Variants in NCK2 observed in about 807,000 individuals in gnomAD.
The protein encoded by NCK2 is NCK adaptor protein 2.
A neutral mutation model predicts 33.9 loss-of-function variants in NCK2; 16 were observed. The ratio of observed to expected loss-of-function variants is 0.47; its 90% CI spans 0.32 to 0.72. The LOEUF is 0.72. NCK2 is among the 30% of genes least tolerant of loss of function. The probability of loss-of-function intolerance (pLI) is 0.03; values close to 1 mark genes in which losing one functional copy is unlikely to be tolerated. For missense variants in NCK2, 418 were observed against 537.3 expected (o/e 0.78, Z 2.19); for synonymous variants, 273 against 239.9 (o/e 1.14, Z -1.27).
chr2:105,762,297 G>T (rs867150026), intron 1 of NCK2, among the ~76,000 whole-genome samples: 3 of 146,512 alleles, frequency 2.0e-5, no homozygotes, highest in Non-Finnish European at 3.1e-5. Context: ...ATCAAACCAG[G>T]GGGGGTCTAG....
chr2:105,836,158 TGGAGG>T, intron 2 of NCK2, among the ~76,000 whole-genome samples: 3 of 145,288 alleles, frequency 2.1e-5, no homozygotes, highest in African/African-American at 5.3e-5. Context: ...TGTGTTTCTT[TGGAGG>T]TTTTATTGTT....
chr2:105,803,725 T>C (rs1316375322), intron 1 of NCK2, among the ~76,000 whole-genome samples: 1 of 152,230 alleles, frequency 6.6e-6, no homozygotes, highest in Non-Finnish European at 1.5e-5. Context: ...TTTCTGGAAT[T>C]GGCTCTTCTT....
intron 2 of NCK2, among the ~76,000 whole-genome samples, chr2:105,829,860 T>TTAAA (rs1412919953): frequency 1.3e-5 from 2 of 152,222 alleles, no homozygotes; most frequent in Admixed American, 1.3e-4. Context: ...CGTAAGTTAT[T>TTAAA]TAGAGTTATT....
chr2:105,841,437 G>A (rs1401895333), intron 2 of NCK2, among the ~76,000 whole-genome samples: 1 of 152,210 alleles, frequency 6.6e-6, no homozygotes, highest in African/African-American at 2.4e-5. Context: ...TAGGTAGGGT[G>A]AGGTACAGGG....
intron 4 of NCK2, among the ~76,000 whole-genome samples, chr2:105,885,816 G>C (rs1678698341): frequency 6.6e-6 from 1 of 152,150 alleles, no homozygotes; most frequent in Admixed American, 6.5e-5. Context: ...TTGTCATAAA[G>C]CTGAACTTCA....
chr2:105,795,825 C>T (rs1573603228), intron 1 of NCK2, among the ~76,000 whole-genome samples: 1 of 152,188 alleles, frequency 6.6e-6, no homozygotes, highest in Non-Finnish European at 1.5e-5. Flanking sequence ...TCCCTCCTCC[C>T]TAACTTCCTT....
chr2:105,884,479 G>A (rs1371916109), intron 4 of NCK2, among the ~76,000 whole-genome samples: 2 of 152,118 alleles, frequency 1.3e-5, no homozygotes, highest in African/African-American at 2.4e-5. Context: ...TTTGGGCCTG[G>A]GCCTTTAATT....
intron 2 of NCK2, chr2:105,851,877 T>C (rs1677083647): frequency 6.6e-6 from 1 of 152,416 alleles, no homozygotes; most frequent in African/African-American, 2.4e-5. Context: ...CGGACGTCGA[T>C]TGACTGGTCT....
intron 1 of NCK2, among the ~76,000 whole-genome samples, chr2:105,798,054 C>G (rs951825444): frequency 6.6e-6 from 1 of 152,136 alleles, no homozygotes; most frequent in Non-Finnish European, 1.5e-5. Flanking sequence ...TTTGATCCAT[C>G]TATTTTAGAC....
rs575324782 is a variant in NCK2, at chr2:105,876,702, A to C, written c.227-4626A>C. 2.0e-5 allele frequency among the ~76,000 whole-genome samples: 3 copies of C among 152,344 alleles called. No individual in the cohort carries two copies. The South Asian group carries it at 6.2e-4, about 32-fold the overall frequency. On this transcript the variant is annotated intron_variant, in intron 3 of 4. Transcript: ENST00000233154. Reference sequence around the variant, plus strand: ...CTGTTAAACACACATTGGACTTCAAATTGTGCTTCTGTTACAACTGGAAGC... The same window carrying C: ...CTGTTAAACACACATTGGACTTCAACTTGTGCTTCTGTTACAACTGGAAGC...
intron 3 of NCK2, among the ~76,000 whole-genome samples, chr2:105,861,872 T>C (rs1471184386): frequency 6.6e-6 from 1 of 151,238 alleles, no homozygotes; most frequent in Non-Finnish European, 1.5e-5. Context: ...CTCAGCAATT[T>C]ATCTTAAGAT....
rs772650775 is a variant in NCK2, at chr2:105,892,988, G to A, written c.955G>A (p.Asp319Asn). The A allele has an allele frequency of 1.9e-6, 3 of 1,605,798 alleles. No homozygotes were observed. Among genetic ancestry groups the A allele is most frequent in the Non-Finnish European group, 2.6e-6 (3 of 1,173,102 alleles). ...TGTTCTGTTTCCTCCCCAGCCCAGC[G>A]ACTTCTCCGTGTCCCTTAAAGCGTC... is the stretch of plus-strand genomic sequence containing the variant. ...LIRDSESSPS[D>N]FSVSLKASGK... The change falls in exon 5 of 5, where the codon GAC (aspartate) becomes AAC (asparagine). Residue 319 changes from aspartate (D) to asparagine (N), a missense_variant. Physicochemically the swap from Asp to Asn is conservative, Grantham distance 23 (BLOSUM62 1). Coordinates refer to ENST00000233154, the MANE Select transcript of NCK2 (RefSeq NM_003581.5).
chr2:105,840,217 G>A (rs909956779), intron 2 of NCK2, among the ~76,000 whole-genome samples: 1 of 152,116 alleles, frequency 6.6e-6, no homozygotes, highest in Non-Finnish European at 1.5e-5. Context: ...AGACACAGTA[G>A]CTCCAGGGAA....
Position 105,881,623 on chromosome 2 carries a change from G to T in NCK2, c.522G>T (p.Ala174=). The T allele has an allele frequency of 6.2e-7, 1 of 1,613,674 alleles. No homozygotes were observed. The highest frequency in any genetic ancestry group is 8.5e-7 in the Non-Finnish European group (1 of 1,179,912). ...YVLEEVDEAA[A]ESPSFLSLRK... Reference sequence around the variant, plus strand: ...TGGAGGAGGTGGACGAGGCGGCTGCGGAGTCCCCAAGCTTCCTGAGCCTGC... The same window carrying T: ...TGGAGGAGGTGGACGAGGCGGCTGCTGAGTCCCCAAGCTTCCTGAGCCTGC... The change falls in exon 4 of 5, where the codon GCG becomes GCT. Residue 174 remains alanine (A), a synonymous_variant. Coordinates refer to ENST00000233154, the MANE Select transcript of NCK2 (RefSeq NM_003581.5).
In NCK2 at chr2:105,875,198, C is replaced by G. The variant is rs537712959; in HGVS notation, c.227-6130C>G. Among the ~76,000 whole-genome samples, 4 of 152,344 alleles carry G rather than the reference C, an allele frequency of 2.6e-5. No homozygotes were observed. In the South Asian group the frequency reaches 8.3e-4, roughly 32 times the overall value. The stretch of plus-strand genomic sequence containing the variant: ...TCAGGAGCTCTGTGTCCTTGCCCTC[C>G]AACCTGGCTGCTGACTGGCCTGGGA... On this transcript the variant is annotated intron_variant, in intron 3 of 4. Coordinates refer to ENST00000233154, the MANE Select transcript of NCK2 (RefSeq NM_003581.5).
At chr2:105,852,081 T>C (rs535591096) in intron 2 of NCK2, among the ~76,000 whole-genome samples, 1 of 151,746 alleles carries the variant, frequency 6.6e-6, no homozygotes, top group Non-Finnish European at 1.5e-5. Flanking sequence ...CCTATCAAAA[T>C]GCAGACCACG....
At chr2:105,856,332 C>CGTT (rs1553460601) in intron 3 of NCK2, among the ~76,000 whole-genome samples, 1 of 152,098 alleles carries the variant, frequency 6.6e-6, no homozygotes, top group African/African-American at 2.4e-5. Context: ...ACATTTAAAA[C>CGTT]GTTGTTACCT....
intron 1 of NCK2, among the ~76,000 whole-genome samples, chr2:105,813,933 T>C (rs1675385152): frequency 6.6e-6 from 1 of 152,208 alleles, no homozygotes; most frequent in Admixed American, 6.5e-5. Flanking sequence ...GCTAGTGAAG[T>C]ACTTTTAGAG....
At position 105,744,937 on chromosome 2, in the gene NCK2, G is replaced by GCGGCGGGCGGAGGGGAGGGCTTGGCGGC. The variant is rs1689218185; in HGVS notation, c.-398_-371dup. On this transcript the variant is annotated 5_prime_UTR_variant, in exon 1 of 5. Transcript: ENST00000233154. ...AGGCCGGAGCCGCGCGGCCGAGCGGGCGGCGGGCGGAGGGGAGGGCTTGGC... is the reference window on the plus strand; with the variant it reads ...AGGCCGGAGCCGCGCGGCCGAGCGGGCGGCGGGCGGAGGGGAGGGCTTGGCGGCCGGCGGGCGGAGGGGAGGGCTTGGC... 1 of 146,290 alleles carries GCGGCGGGCGGAGGGGAGGGCTTGGCGGC rather than the reference G, an allele frequency of 6.8e-6. No individual in the cohort carries two copies. Among genetic ancestry groups the GCGGCGGGCGGAGGGGAGGGCTTGGCGGC allele is most frequent in the Non-Finnish European group, 1.5e-5 (1 of 65,632 alleles). The allele number at this position is 146,290 out of a possible 1,614,324, so 9.1% of individuals were successfully genotyped here. A position where few individuals can be genotyped will look rare whatever the true frequency, so the allele number is the denominator to read the frequency against.
Sources: gnomAD v4.1 joint callset for allele counts (sites outside exome capture counted in the v4.1 genomes callset) on GRCh38, gnomAD v4.1.1 for gene constraint, MANE v1.5 for transcripts, NCBI Gene and HGNC (gene_info 2026-07-23, HGNC 2026-07-21) for gene names.